Variants in SMYD3 observed in about 807,000 individuals in gnomAD.
SMYD3 encodes the protein histone-lysine N-methyltransferase SMYD3.
A neutral mutation model predicts 57.7 loss-of-function variants in SMYD3; 36 were observed. The observed-to-expected ratio is 0.62, with a 90% CI of 0.48 to 0.82. The LOEUF (loss-of-function observed/expected upper bound fraction) is 0.82. Ranked by LOEUF, SMYD3 falls within the 40% of genes least tolerant of loss-of-function variation. The pLI is 0.00. For missense variants in SMYD3, 515 were observed against 538.8 expected (o/e 0.96, Z 0.44); for synonymous variants, 211 against 195.0 (o/e 1.08, Z -0.68).
intron 2 of SMYD3, among the ~76,000 whole-genome samples, chr1:246,343,369 CT>C (rs1216139147): frequency 1.3e-5 from 2 of 152,196 alleles, no homozygotes; most frequent in African/African-American, 2.4e-5. Context: ...AAATTTTTTA[CT>C]CCCAAAGTGA....
chr1:246,279,404 C>T (rs1172386325), intron 5 of SMYD3, among the ~76,000 whole-genome samples: 7 of 152,088 alleles, frequency 4.6e-5, no homozygotes, highest in Non-Finnish European at 7.4e-5. Context: ...GCCTGTAATC[C>T]CAGCTACTTG....
At chr1:246,004,959 C>T (rs1388274363) in intron 5 of SMYD3, among the ~76,000 whole-genome samples, 2 of 152,204 alleles carry the variant, frequency 1.3e-5, no homozygotes, top group Non-Finnish European at 2.9e-5. Context: ...GATCCTCCCA[C>T]CTCGGCCTCC....
At chr1:245,939,214 T>C (rs769576334) in intron 5 of SMYD3, among the ~76,000 whole-genome samples, 4 of 151,416 alleles carry the variant, frequency 2.6e-5, no homozygotes, top group Admixed American at 6.6e-5. Context: ...TTTAGAAAAG[T>C]AGATTAAACA....
intron 4 of SMYD3, 129 bp downstream of exon 4, chr1:246,330,351 A>T: frequency 1.5e-6 from 1 of 675,000 alleles, no homozygotes; most frequent in Non-Finnish European, 2.3e-6. Flanking sequence ...TTGTATATAA[A>T]AATAAATTTT....
intron 5 of SMYD3, among the ~76,000 whole-genome samples, chr1:246,119,413 CTTTTTTTT>C: frequency 7.7e-6 from 1 of 130,210 alleles, no homozygotes; most frequent in East Asian, 2.1e-4. Flanking sequence ...TTTGTTCTTT[CTTTTTTTT>C]TTTTTTTTTG....
rs151240482 is a variant in SMYD3, at chr1:245,922,261, C to T, written c.702+5670G>A. 1.9e-3 allele frequency among the ~76,000 whole-genome samples: 284 copies of T among 152,242 alleles called. 1 individual carries two copies. Among genetic ancestry groups the T allele is most frequent in the African/African-American group, 6.1e-3 (254 of 41,542 alleles). On this transcript the variant is annotated intron_variant, in intron 7 of 11. Coordinates refer to ENST00000490107, the MANE Select transcript of SMYD3 (RefSeq NM_001167740.2). ...TTCAACAGCCTAAACCTGAAAGCAC[C>T]GGCTCATTTCAGACTTAAAGGTACC... is the stretch of plus-strand genomic sequence containing the variant.
intron 5 of SMYD3, among the ~76,000 whole-genome samples, chr1:246,320,081 G>A (rs1469536027): frequency 6.6e-6 from 1 of 151,582 alleles, no homozygotes; most frequent in Non-Finnish European, 1.5e-5. Flanking sequence ...ATATTAAATC[G>A]CGATTTCTTA....
intron 10 of SMYD3, among the ~76,000 whole-genome samples, chr1:245,787,647 C>T (rs6682204): frequency 0.059 from 8,866 of 151,486 alleles, 903 homozygotes; most frequent in African/African-American, 0.2. Flanking sequence ...AAAAGGCAAC[C>T]TTATTAGATG....
chr1:245,755,721 TTG>T (rs1351964553), intron 11 of SMYD3, among the ~76,000 whole-genome samples: 3 of 152,310 alleles, frequency 2.0e-5, no homozygotes, highest in Admixed American at 6.5e-5. Flanking sequence ...TTTCTTTTGA[TTG>T]TGTTTTTATA....
intron 10 of SMYD3, among the ~76,000 whole-genome samples, chr1:245,812,617 C>G (rs2048535990): frequency 6.7e-6 from 1 of 150,088 alleles, no homozygotes; most frequent in South Asian, 2.1e-4. Context: ...AAACCAACCC[C>G]TGGTCAGAGT....
chr1:246,434,070 A>C (rs372471313), intron 1 of SMYD3, among the ~76,000 whole-genome samples: 3 of 152,216 alleles, frequency 2.0e-5, no homozygotes, highest in African/African-American at 7.2e-5. Context: ...ACCTATATGC[A>C]GAAGAATACA....
At chr1:245,913,023 A>G (rs1322570122) in intron 8 of SMYD3, among the ~76,000 whole-genome samples, 1 of 152,234 alleles carries the variant, frequency 6.6e-6, no homozygotes, top group African/African-American at 2.4e-5. Flanking sequence ...TATATACCCA[A>G]AGGATTATAA....
chr1:246,043,455 A>G (rs1267655019), intron 5 of SMYD3, among the ~76,000 whole-genome samples: 1 of 152,242 alleles, frequency 6.6e-6, no homozygotes, highest in Non-Finnish European at 1.5e-5. Context: ...AGATAGAACC[A>G]ACACAACCAA....
intron 2 of SMYD3, among the ~76,000 whole-genome samples, chr1:246,346,883 A>G (rs1010777394): frequency 6.6e-6 from 1 of 152,238 alleles, no homozygotes; most frequent in Non-Finnish European, 1.5e-5. Flanking sequence ...TTATCAGACT[A>G]GGAATTTTAA....
intron 8 of SMYD3, among the ~76,000 whole-genome samples, chr1:245,910,553 A>C (rs1252567277): frequency 6.6e-6 from 1 of 152,140 alleles, no homozygotes; most frequent in Non-Finnish European, 1.5e-5. Context: ...AAAGCAAAGT[A>C]AGCATGGTAC....
At chr1:246,131,302 C>CTGTGTACA (rs1252349421) in intron 5 of SMYD3, among the ~76,000 whole-genome samples, 1 of 152,092 alleles carries the variant, frequency 6.6e-6, no homozygotes, top group Non-Finnish European at 1.5e-5. Context: ...TAACAAAACA[C>CTGTGTACA]TGTGTACATG....
chr1:245,805,024 AC>A (rs1290471986), intron 10 of SMYD3, among the ~76,000 whole-genome samples: 2 of 152,176 alleles, frequency 1.3e-5, no homozygotes. Flanking sequence ...TCATATCAAA[AC>A]TTCAAAAAAG....
chr1:246,379,081 T>TACACAC (rs34560740), intron 1 of SMYD3, among the ~76,000 whole-genome samples: 2,647 of 130,456 alleles, frequency 0.02, 53 homozygotes, highest in East Asian at 0.089. Context: ...CACACATACA[T>TACACAC]ACACACACAC....
intron 5 of SMYD3, among the ~76,000 whole-genome samples, chr1:246,302,256 G>C (rs2064902950): frequency 6.6e-6 from 1 of 152,144 alleles, no homozygotes; most frequent in African/African-American, 2.4e-5. Context: ...GAGAATCGAA[G>C]CAACTCACAG....
Sources: allele counts gnomAD v4.1 joint callset (sites outside exome capture counted in the v4.1 genomes callset), GRCh38; gene constraint gnomAD v4.1.1; transcripts MANE v1.5; gene names NCBI Gene and HGNC (gene_info 2026-07-23, HGNC 2026-07-21).